FHIT: variants seen among roughly 807,000 people sequenced by gnomAD.
The protein encoded by FHIT is fragile histidine triad diadenosine triphosphatase.
Under a neutral mutation model 17.9 loss-of-function variants are expected in FHIT, and 19 were observed. The ratio of observed to expected loss-of-function variants is 1.06; its 90% CI spans 0.74 to 1.56. The LOEUF (loss-of-function observed/expected upper bound fraction) is 1.56, where lower values mean the gene tolerates loss of function less well. Among genes scored for constraint, FHIT ranks in the 40% most tolerant of loss-of-function variants. The probability of loss-of-function intolerance (pLI) is 0.00; values close to 1 mark genes in which losing one functional copy is unlikely to be tolerated. For missense variants in FHIT, 248 were observed against 189.2 expected, an observed-to-expected ratio of 1.31 and a Z score of -1.82; for synonymous variants, 81 against 69.7, an observed-to-expected ratio of 1.16 and a Z score of -0.81.
chr3:60,353,276 G>A (rs551457011), intron 5 of FHIT, among the ~76,000 whole-genome samples: 1 of 152,092 alleles, frequency 6.6e-6, no homozygotes, highest in East Asian at 1.9e-4. Flanking sequence ...AAAAAGTGGG[G>A]TGCTGCTTCT....
intron 5 of FHIT, among the ~76,000 whole-genome samples, chr3:60,462,528 C>T (rs424675): frequency 0.16 from 24,985 of 152,038 alleles, 2,545 homozygotes; most frequent in East Asian, 0.41. Flanking sequence ...GCAGGGAGAA[C>T]ACCACTGAGG....
intron 4 of FHIT, among the ~76,000 whole-genome samples, chr3:60,798,992 G>C (rs1327244126): frequency 1.3e-5 from 2 of 151,836 alleles, no homozygotes; most frequent in African/African-American, 2.4e-5. Context: ...CAGGTGTACT[G>C]TACCCACTGT....
At chr3:60,858,749 T>C (rs112813975) in intron 3 of FHIT, among the ~76,000 whole-genome samples, 1 of 152,142 alleles carries the variant, frequency 6.6e-6, no homozygotes, top group Non-Finnish European at 1.5e-5. Context: ...TTCAAGAAGG[T>C]CCCAGTTTCT....
At chr3:60,298,762 G>T (rs1708322464) in intron 5 of FHIT, among the ~76,000 whole-genome samples, 1 of 152,086 alleles carries the variant, frequency 6.6e-6, no homozygotes, top group Admixed American at 6.6e-5. Context: ...TATGAAATTA[G>T]ATAATTTAAA....
intron 3 of FHIT, among the ~76,000 whole-genome samples, chr3:61,040,147 T>C (rs1164944506): frequency 1.3e-5 from 2 of 152,220 alleles, no homozygotes; most frequent in Non-Finnish European, 2.9e-5. Flanking sequence ...TAAGCTTCTT[T>C]GGAATAAAAC....
chr3:60,912,512 G>A (rs1670099583), intron 3 of FHIT, among the ~76,000 whole-genome samples: 1 of 152,218 alleles, frequency 6.6e-6, no homozygotes, highest in South Asian at 2.1e-4. Flanking sequence ...TTGGCATGAG[G>A]ATTATTTTGA....
At chr3:60,192,403 G>GC (rs1702444381) in intron 5 of FHIT, among the ~76,000 whole-genome samples, 2 of 152,138 alleles carry the variant, frequency 1.3e-5, no homozygotes, top group South Asian at 4.1e-4. Flanking sequence ...TGGAGACATG[G>GC]GGTATGGCAG....
intron 3 of FHIT, among the ~76,000 whole-genome samples, chr3:60,871,201 A>T (rs568207952): frequency 6.6e-6 from 1 of 152,256 alleles, no homozygotes; most frequent in South Asian, 2.1e-4. Context: ...TATCAGAAGC[A>T]TTATAATAAG....
At chr3:60,972,119 T>A (rs975735166) in intron 3 of FHIT, among the ~76,000 whole-genome samples, 2 of 152,196 alleles carry the variant, frequency 1.3e-5, no homozygotes, top group Non-Finnish European at 2.9e-5. Flanking sequence ...CACTAAACAT[T>A]ACTTTGATTG....
chr3:60,573,952 G>C (rs1056166280), intron 4 of FHIT, among the ~76,000 whole-genome samples: 3 of 152,024 alleles, frequency 2.0e-5, no homozygotes, highest in Non-Finnish European at 4.4e-5. Context: ...TGGAATTACA[G>C]GCAAGCACCA....
At chr3:60,612,909 G>A (rs1318024052) in intron 4 of FHIT, among the ~76,000 whole-genome samples, 2 of 152,204 alleles carry the variant, frequency 1.3e-5, no homozygotes, top group Non-Finnish European at 2.9e-5. Context: ...TGCCAGCAAC[G>A]AATCATATTT....
At chr3:59,848,400 T>C (rs1300980445) in intron 8 of FHIT, among the ~76,000 whole-genome samples, 1 of 152,168 alleles carries the variant, frequency 6.6e-6, no homozygotes, top group Non-Finnish European at 1.5e-5. Context: ...AATTATATTT[T>C]AATATACCTA....
chr3:60,247,962 C>G (rs942426707), intron 5 of FHIT, among the ~76,000 whole-genome samples: 1 of 152,176 alleles, frequency 6.6e-6, no homozygotes, highest in Admixed American at 6.5e-5. Context: ...TCGATAAGCA[C>G]ATGGAGCCTT....
At chr3:61,013,099 T>A (rs2031889665) in intron 3 of FHIT, among the ~76,000 whole-genome samples, 2 of 152,280 alleles carry the variant, frequency 1.3e-5, no homozygotes, top group South Asian at 4.1e-4. Context: ...TCTTTGCAAC[T>A]CTTTAAACTT....
intron 4 of FHIT, among the ~76,000 whole-genome samples, chr3:60,701,274 C>T (rs2041240563): frequency 6.6e-6 from 1 of 152,056 alleles, no homozygotes. Context: ...CAGGCATGTG[C>T]CACTGTAATT....
intron 5 of FHIT, among the ~76,000 whole-genome samples, chr3:60,391,625 A>T (rs1040753711): frequency 6.6e-6 from 1 of 152,152 alleles, no homozygotes. Flanking sequence ...AATACTTACC[A>T]TTGTGTTACA....
At chr3:60,255,193 G>C (rs1705925748) in intron 5 of FHIT, among the ~76,000 whole-genome samples, 1 of 152,086 alleles carries the variant, frequency 6.6e-6, no homozygotes, top group Non-Finnish European at 1.5e-5. Context: ...GCATTTAATA[G>C]ATATGGCATG....
At chr3:60,898,193 T>A (rs115333955) in intron 3 of FHIT, among the ~76,000 whole-genome samples, 69 of 152,302 alleles carry the variant, frequency 4.5e-4, no homozygotes, top group African/African-American at 1.6e-3. Context: ...TCCATGTTAC[T>A]AAGTTGTCTG....
intron 4 of FHIT, among the ~76,000 whole-genome samples, chr3:60,793,757 G>A (rs1700872249): frequency 6.6e-6 from 1 of 152,164 alleles, no homozygotes; most frequent in Non-Finnish European, 1.5e-5. Context: ...AGGAAACTGG[G>A]CTTTCACTCT....
Sources: gnomAD v4.1 joint callset for allele counts (sites outside exome capture counted in the v4.1 genomes callset) on GRCh38, gnomAD v4.1.1 for gene constraint, MANE v1.5 for transcripts, NCBI Gene and HGNC (gene_info 2026-07-23, HGNC 2026-07-21) for gene names.